GPR176: variants seen among roughly 807,000 people sequenced by gnomAD.
The protein encoded by GPR176 is G-protein coupled receptor 176.
A neutral mutation model predicts 35.4 loss-of-function variants in GPR176; 26 were observed. The observed-to-expected ratio is 0.74, with a 90% CI of 0.54 to 1.02. GPR176 has a LOEUF of 1.02. Ranked by LOEUF, GPR176 falls within the 50% of genes least tolerant of loss-of-function variation. GPR176 has a pLI of 0.00. For missense variants in GPR176, 597 were observed against 665.3 expected (o/e 0.90, Z 1.13); for synonymous variants, 278 against 271.3 (o/e 1.02, Z -0.24).
At chr15:39,827,290 T>C (rs1048274152) in intron 1 of GPR176, among the ~76,000 whole-genome samples, 2 of 152,180 alleles carry the variant, frequency 1.3e-5, no homozygotes, top group African/African-American at 4.8e-5. Flanking sequence ...TTTTCAGCCC[T>C]CTGCTGTCAA....
At chr15:39,900,729 T>C (rs557608768) in intron 1 of GPR176, among the ~76,000 whole-genome samples, 25 of 152,250 alleles carry the variant, frequency 1.6e-4, no homozygotes, top group Admixed American at 3.9e-4. Flanking sequence ...ATGACTGAAA[T>C]GGCTGAAGGG....
intron 1 of GPR176, among the ~76,000 whole-genome samples, chr15:39,833,742 T>C (rs757041185): frequency 4.7e-4 from 72 of 152,184 alleles, no homozygotes; most frequent in Non-Finnish European, 8.4e-4. Context: ...AGGAAAGTCC[T>C]AATATTTATT....
intron 1 of GPR176, among the ~76,000 whole-genome samples, chr15:39,830,959 A>C (rs1324181779): frequency 6.6e-6 from 1 of 152,182 alleles, no homozygotes; most frequent in East Asian, 1.9e-4. Flanking sequence ...CCTCCACTAC[A>C]TTCCATGTTT....
rs996617083 is a variant in GPR176 at position 39,920,217 on chromosome 15, G to A, written c.-191C>T. ...GGGAGGCGGGGAGGGAGGGAGGCGCGGCTGCGCCCCATGCCCACTCCCTCC... is the reference window on the plus strand; with the variant it reads ...GGGAGGCGGGGAGGGAGGGAGGCGCAGCTGCGCCCCATGCCCACTCCCTCC... On this transcript the variant is annotated 5_prime_UTR_variant, in exon 1 of 3. Transcript: ENST00000561100. 6.6e-5 allele frequency: 27 copies of A among 408,242 alleles called. No individual in the cohort carries two copies. Among genetic ancestry groups the A allele is most frequent in the African/African-American group, 3.5e-4 (17 of 48,610 alleles). 25.3% of individuals were successfully genotyped at this position (408,242 alleles called of 1,614,324 possible).
At chr15:39,876,109 C>T (rs1337776479) in intron 1 of GPR176, among the ~76,000 whole-genome samples, 2 of 151,806 alleles carry the variant, frequency 1.3e-5, no homozygotes, top group Non-Finnish European at 2.9e-5. Flanking sequence ...CACGATCCTG[C>T]CACTGCACTC....
At chr15:39,897,849 A>G (rs1288975633) in intron 1 of GPR176, among the ~76,000 whole-genome samples, 2 of 152,126 alleles carry the variant, frequency 1.3e-5, no homozygotes, top group African/African-American at 2.4e-5. Flanking sequence ...CTAATAATCC[A>G]TCAAGGCCTC....
chr15:39,914,107 T>A (rs531008185), intron 1 of GPR176, among the ~76,000 whole-genome samples: 1 of 152,278 alleles, frequency 6.6e-6, no homozygotes, highest in South Asian at 2.1e-4. Flanking sequence ...ATTGGATGGA[T>A]TCTATATTGT....
intron 1 of GPR176, among the ~76,000 whole-genome samples, chr15:39,853,568 T>C (rs931941074): frequency 1.4e-4 from 21 of 152,350 alleles, no homozygotes; most frequent in Middle Eastern, 3.4e-3. Flanking sequence ...TATTTTAACA[T>C]AATTTTTTAA....
intron 1 of GPR176, among the ~76,000 whole-genome samples, chr15:39,816,082 G>A (rs1330498446): frequency 3.3e-5 from 5 of 152,150 alleles, no homozygotes; most frequent in African/African-American, 1.2e-4. Context: ...ATTTACAGGT[G>A]GAATCTAAAA....
intron 1 of GPR176, among the ~76,000 whole-genome samples, chr15:39,826,929 A>G (rs560807421): frequency 1.7e-4 from 26 of 152,318 alleles, no homozygotes; most frequent in African/African-American, 6.0e-4. Flanking sequence ...TCAAGTATTA[A>G]AAGGTATGAA....
At chr15:39,892,523 C>CA (rs2032913247) in intron 1 of GPR176, among the ~76,000 whole-genome samples, 1 of 152,236 alleles carries the variant, frequency 6.6e-6, no homozygotes, top group African/African-American at 2.4e-5. Flanking sequence ...CTCCCCTGGC[C>CA]AGCTGCGAAT....
intron 1 of GPR176, among the ~76,000 whole-genome samples, chr15:39,908,548 TTC>T (rs1197144571): frequency 2.0e-5 from 3 of 146,954 alleles, no homozygotes; most frequent in Admixed American, 7.0e-5. Context: ...AAAGGAGATT[TTC>T]TTTTTTTTTT....
intron 1 of GPR176, among the ~76,000 whole-genome samples, chr15:39,864,065 C>T (rs1249870898): frequency 1.3e-5 from 2 of 152,040 alleles, no homozygotes; most frequent in Non-Finnish European, 2.9e-5. Context: ...AACAGGTATA[C>T]AAAACAACCC....
chr15:39,859,791 G>A (rs142877739), intron 1 of GPR176, among the ~76,000 whole-genome samples: 1 of 152,240 alleles, frequency 6.6e-6, no homozygotes, highest in East Asian at 1.9e-4. Context: ...GTAGATGGGT[G>A]GTTAACGGCG....
intron 1 of GPR176, among the ~76,000 whole-genome samples, chr15:39,841,301 G>A (rs1169543404): frequency 1.3e-5 from 2 of 152,062 alleles, no homozygotes; most frequent in East Asian, 1.9e-4. Context: ...ATACACTTCT[G>A]TTATAAGTTG....
chr15:39,814,506 A>G (rs1409013548), intron 1 of GPR176, among the ~76,000 whole-genome samples: 1 of 152,120 alleles, frequency 6.6e-6, no homozygotes, highest in African/African-American at 2.4e-5. Context: ...TCATTTTTTA[A>G]ATGCTTATGG....
intron 1 of GPR176, among the ~76,000 whole-genome samples, chr15:39,839,763 A>G (rs1901629078): frequency 6.6e-6 from 1 of 152,216 alleles, no homozygotes; most frequent in African/African-American, 2.4e-5. Context: ...ATCTACAAAG[A>G]ACTCAAACAA....
intron 1 of GPR176, among the ~76,000 whole-genome samples, chr15:39,817,639 G>C (rs1900004566): frequency 1.3e-5 from 2 of 152,310 alleles, no homozygotes; most frequent in South Asian, 4.1e-4. Flanking sequence ...GTTTTTCTCT[G>C]AGTCCTTACA....
intron 1 of GPR176, among the ~76,000 whole-genome samples, chr15:39,892,566 T>G (rs1002951424): frequency 1.1e-4 from 17 of 152,162 alleles, no homozygotes; most frequent in African/African-American, 4.1e-4. Flanking sequence ...TTTGCAGATG[T>G]AGTAATCAAG....
Sources: gnomAD v4.1 joint callset for allele counts (sites outside exome capture counted in the v4.1 genomes callset) on GRCh38, gnomAD v4.1.1 for gene constraint, MANE v1.5 for transcripts, NCBI Gene and HGNC (gene_info 2026-07-23, HGNC 2026-07-21) for gene names.